Variants in CAPN13 observed in about 807,000 individuals in gnomAD.
The protein encoded by CAPN13 is calpain-13.
In CAPN13, 90 loss-of-function variants were observed where a neutral mutation model predicts 98.4. The observed-to-expected ratio is 0.92, with a 90% CI of 0.77 to 1.09. CAPN13 has a LOEUF of 1.09. CAPN13 is among the 50% of genes least tolerant of loss of function. CAPN13 has a pLI of 0.00. For missense variants in CAPN13, 887 were observed against 841.3 expected, an observed-to-expected ratio of 1.05 and a Z score of -0.67; for synonymous variants, 330 against 305.5, an observed-to-expected ratio of 1.08 and a Z score of -0.84.
intron 2 of CAPN13, among the ~76,000 whole-genome samples, chr2:30,786,076 C>A (rs1031055036): frequency 6.6e-6 from 1 of 152,168 alleles, no homozygotes; most frequent in East Asian, 1.9e-4. Flanking sequence ...GTTCTCCTTC[C>A]CATGTGCAGA....
intron 1 of CAPN13, among the ~76,000 whole-genome samples, chr2:30,787,978 G>A (rs968163550): frequency 5.9e-5 from 9 of 152,156 alleles, no homozygotes; most frequent in African/African-American, 1.9e-4. Flanking sequence ...GAAGCCAGGA[G>A]CTCCTGCACT....
At chr2:30,725,976 GGAA>G (rs1401005617) in intron 22 of CAPN13, among the ~76,000 whole-genome samples, 3 of 152,106 alleles carry the variant, frequency 2.0e-5, no homozygotes, top group Admixed American at 6.5e-5. Context: ...TAAAATAGCA[GGAA>G]GACTAGGATG....
rs557001316 is a variant in CAPN13, at chr2:30,730,224, G to A, written c.*30+506C>T. 3.3e-5 allele frequency among the ~76,000 whole-genome samples: 5 copies of A among 152,250 alleles called. No individual in the cohort carries two copies. In the South Asian group the frequency reaches 1.0e-3, roughly 32 times the overall value. On this transcript the variant is annotated intron_variant, in intron 22 of 22. Coordinates refer to ENST00000295055, the MANE Select transcript of CAPN13 (RefSeq NM_144575.3). ...CTGTTTCATGAAAAAAAATGTAGAG[G>A]AAATGACGTGAGTGTTAATTCTTCA...
At position 30,738,464 on chromosome 2, in the gene CAPN13, CA is replaced by C. The variant is rs904106293; in HGVS notation, c.1537-8del. ...TGGCATCAATGTCCAGCCTCTGATC[CA>C]AACAAGGAAGGAATGCAGGAATTAT... On this transcript the variant is annotated splice_polypyrimidine_tract_variant and splice_region_variant and intron_variant, in intron 15 of 22. Coordinates refer to ENST00000295055, the MANE Select transcript of CAPN13 (RefSeq NM_144575.3). The C allele has an allele frequency of 1.0e-5, 16 of 1,599,842 alleles. No individual in the cohort carries two copies. In the African/African-American group the frequency reaches 2.0e-4, roughly 20 times the overall value.
rs375716024 is a variant in CAPN13, at chr2:30,787,361, T to C, written c.-32-4A>G. The C allele has an allele frequency of 9.7e-5, 152 of 1,572,512 alleles. No individual in the cohort carries two copies. In the African/African-American group the frequency reaches 1.9e-3, roughly 19 times the overall value. ...AGAAGACTTCCGAGGTCCTTTCCTG[T>C]TGGTGAGAAAAAGGGATACCTTTGG... On this transcript the variant is annotated splice_polypyrimidine_tract_variant and splice_region_variant and intron_variant, in intron 1 of 22. Coordinates refer to ENST00000295055, the MANE Select transcript of CAPN13 (RefSeq NM_144575.3).
At chr2:30,765,797 A>AG (rs1673081296) in intron 5 of CAPN13, among the ~76,000 whole-genome samples, 1 of 152,254 alleles carries the variant, frequency 6.6e-6, no homozygotes, top group African/African-American at 2.4e-5. Context: ...CTTTTATTAA[A>AG]GAAAGCTGAG....
chr2:30,739,375 C>A (rs995320164), intron 15 of CAPN13, among the ~76,000 whole-genome samples: 1 of 152,048 alleles, frequency 6.6e-6, no homozygotes, highest in African/African-American at 2.4e-5. Context: ...GAATGAGCAC[C>A]TTCCATCTCC....
At chr2:30,748,968 G>T (rs1208633580) in intron 11 of CAPN13, among the ~76,000 whole-genome samples, 4 of 152,056 alleles carry the variant, frequency 2.6e-5, no homozygotes, top group Admixed American at 6.5e-5. Flanking sequence ...CACCAGAAAG[G>T]CATGCACCTA....
At position 30,741,968 on chromosome 2, in the gene CAPN13, G is replaced by T; in HGVS notation, c.1480-4C>A. The T allele has an allele frequency of 6.2e-7, 1 of 1,612,814 alleles. No individual in the cohort carries two copies. Among genetic ancestry groups the T allele is most frequent in the South Asian group, 1.1e-5 (1 of 91,048 alleles). The stretch of plus-strand genomic sequence containing the variant: ...AGCCATGTTCTGAAGGGCTTCCCTG[G>T]ATCAAAGGGAAAATAGTCAATGTTA... On this transcript the variant is annotated splice_region_variant and splice_polypyrimidine_tract_variant and intron_variant, in intron 14 of 22. Coordinates refer to ENST00000295055, the MANE Select transcript of CAPN13 (RefSeq NM_144575.3).
chr2:30,790,212 C>T (rs1483421397), intron 1 of CAPN13, among the ~76,000 whole-genome samples: 2 of 152,250 alleles, frequency 1.3e-5, no homozygotes, highest in Admixed American at 6.5e-5. Context: ...AGAGGACCAC[C>T]TGATTTTCCT....
intron 11 of CAPN13, among the ~76,000 whole-genome samples, chr2:30,748,638 T>C (rs567516788): frequency 6.6e-6 from 1 of 152,022 alleles, no homozygotes; most frequent in Non-Finnish European, 1.5e-5. Flanking sequence ...AAGGGCTTGG[T>C]TGAGGGGATA....
At chr2:30,773,285 C>G (rs1673507394) in intron 4 of CAPN13, among the ~76,000 whole-genome samples, 1 of 152,160 alleles carries the variant, frequency 6.6e-6, no homozygotes, top group Non-Finnish European at 1.5e-5. Context: ...ATCCAAGAAT[C>G]CTAAACCTAA....
At chr2:30,759,253 T>C (rs1228205977) in intron 7 of CAPN13, among the ~76,000 whole-genome samples, 2 of 151,732 alleles carry the variant, frequency 1.3e-5, no homozygotes, top group East Asian at 2.0e-4. Context: ...CTCCTTCCTT[T>C]CTTTTCTTCC....
intron 1 of CAPN13, among the ~76,000 whole-genome samples, chr2:30,802,092 T>A (rs1476827295): frequency 6.6e-6 from 1 of 152,208 alleles, no homozygotes; most frequent in Non-Finnish European, 1.5e-5. Flanking sequence ...CTGGCCATTC[T>A]GGGTCTCTCA....
chr2:30,744,062 A>G (rs1441488222), intron 12 of CAPN13, among the ~76,000 whole-genome samples: 5 of 152,230 alleles, frequency 3.3e-5, no homozygotes, highest in African/African-American at 1.2e-4. Flanking sequence ...TTGGAGAATA[A>G]TGGGCCCTGA....
intron 6 of CAPN13, among the ~76,000 whole-genome samples, chr2:30,763,476 G>A (rs60645957): frequency 0.063 from 9,567 of 152,258 alleles, 905 homozygotes; most frequent in African/African-American, 0.21. Context: ...ACATTCACAG[G>A]AGTCAGGAAT....
rs780083368 is a variant in CAPN13 at position 30,777,570 on chromosome 2, C to T, written c.268G>A (p.Ala90Thr). The part of the protein sequence containing the change: ...ISRFDIQQGG[A>T]ADCWFLAALG... ...AGGGAAGATGTTGCACTCTTACCTGCGCCTCCTTGTTGGATGTCAAATCTG... is the reference window on the plus strand; with the variant it reads ...AGGGAAGATGTTGCACTCTTACCTGTGCCTCCTTGTTGGATGTCAAATCTG... The change falls in exon 3 of 23, where the codon GCA becomes ACA. Residue 90 changes from alanine (A) to threonine (T), a missense_variant. Physicochemically the swap from Ala to Thr is moderately conservative, Grantham distance 58. Transcript: ENST00000295055. 18 of 1,573,606 alleles carry T rather than the reference C, an allele frequency of 1.1e-5. No homozygotes were observed. Among genetic ancestry groups the T allele is most frequent in the South Asian group, 2.3e-5 (2 of 85,460 alleles).
intron 2 of CAPN13, among the ~76,000 whole-genome samples, chr2:30,786,695 G>C (rs556527367): frequency 6.6e-6 from 1 of 152,262 alleles, no homozygotes; most frequent in South Asian, 2.1e-4. Context: ...GTAAATGACT[G>C]ACCTGCTATC....
At chr2:30,792,490 T>C (rs1301474612) in intron 1 of CAPN13, among the ~76,000 whole-genome samples, 1 of 152,050 alleles carries the variant, frequency 6.6e-6, no homozygotes, top group Non-Finnish European at 1.5e-5. Context: ...AAAAATACAA[T>C]TTATCAAAGT....
Sources: allele counts gnomAD v4.1 joint callset (sites outside exome capture counted in the v4.1 genomes callset), GRCh38; gene constraint gnomAD v4.1.1; transcripts MANE v1.5; gene names NCBI Gene and HGNC (gene_info 2026-07-23, HGNC 2026-07-21).